Variants in SMYD3 observed in about 807,000 individuals in gnomAD.
SMYD3 encodes histone-lysine N-methyltransferase SMYD3.
SMYD3 carries 36 observed loss-of-function variants against 57.7 expected under a neutral mutation model. The ratio of observed to expected loss-of-function variants is 0.62; its 90% confidence interval spans 0.48 to 0.82. The LOEUF is 0.82. Ranked by LOEUF, SMYD3 falls within the 40% of genes least tolerant of loss-of-function variation. The pLI is 0.00. For synonymous variants in SMYD3, 211 were observed against 195.0 expected (o/e 1.08, Z -0.68); for missense variants, 515 against 538.8 (o/e 0.96, Z 0.44).
In SMYD3 at chr1:246,481,621, T is replaced by TATATATAC. The variant is rs1307881494; in HGVS notation, c.164+25432_164+25433insGTATATAT. 1.2e-3 allele frequency among the ~76,000 whole-genome samples: 117 copies of TATATATAC among 98,528 alleles called. 7 individuals are homozygous for TATATATAC. Among genetic ancestry groups the TATATATAC allele is most frequent in the East Asian group, 2.2e-3 (6 of 2,736 alleles). The allele number at this position is 98,528 out of a possible 152,430, so 64.6% of individuals were successfully genotyped here. ...ATATATATATATACACATACATATATACATACATACATACACATATTCATA... is the reference window on the plus strand; with the variant it reads ...ATATATATATATACACATACATATATATATATACACATACATACATACACATATTCATA... On this transcript the variant is annotated intron_variant, in intron 1 of 11. Coordinates refer to ENST00000490107, the MANE Select transcript of SMYD3 (RefSeq NM_001167740.2).
chr1:246,218,282 G>T (rs546552835), intron 5 of SMYD3, among the ~76,000 whole-genome samples: 2 of 151,912 alleles, frequency 1.3e-5, no homozygotes, highest in Admixed American at 1.3e-4. Context: ...ATTATTTCGT[G>T]GGGTGGAGAG....
chr1:245,952,812 G>A (rs537991004), intron 5 of SMYD3, among the ~76,000 whole-genome samples: 11 of 152,264 alleles, frequency 7.2e-5, no homozygotes, highest in African/African-American at 1.2e-4. Flanking sequence ...CTGTGAAAAC[G>A]CATACTAAAA....
chr1:246,013,431 T>G (rs1449679855), intron 5 of SMYD3, among the ~76,000 whole-genome samples: 1 of 152,158 alleles, frequency 6.6e-6, no homozygotes, highest in Non-Finnish European at 1.5e-5. Flanking sequence ...CCACCTGCCT[T>G]GGCCTCCCAA....
At chr1:245,785,162 A>G (rs1314124103) in intron 10 of SMYD3, among the ~76,000 whole-genome samples, 2 of 151,990 alleles carry the variant, frequency 1.3e-5, no homozygotes, top group Admixed American at 6.5e-5. Flanking sequence ...AATTACAGGC[A>G]TGAGCCATTA....
rs182150865 is a variant in SMYD3, at chr1:245,860,792, C to T, written c.902-2122G>A. Among the ~76,000 whole-genome samples, 1,011 of 152,342 alleles carry T rather than the reference C, an allele frequency of 6.6e-3. 8 individuals carry two copies. Among genetic ancestry groups the T allele is most frequent in the Non-Finnish European group, 0.012 (790 of 68,034 alleles). On this transcript the variant is annotated intron_variant, in intron 9 of 11. Coordinates refer to ENST00000490107, the MANE Select transcript of SMYD3 (RefSeq NM_001167740.2). ...TGTAACAGATTGCTGGGCTAACCTC[C>T]GTGGCTTTTCATTCCAGGATTAGAT...
intron 5 of SMYD3, among the ~76,000 whole-genome samples, chr1:246,030,887 TCCCAAAATAGAATCC>T (rs1044421503): frequency 5.3e-5 from 8 of 152,050 alleles, no homozygotes; most frequent in African/African-American, 1.9e-4. Flanking sequence ...GTTACGTAAA[TCCCAAAATAGAATCC>T]CCCAGTAACA....
At chr1:246,303,728 A>C (rs2064934277) in intron 5 of SMYD3, among the ~76,000 whole-genome samples, 1 of 152,198 alleles carries the variant, frequency 6.6e-6, no homozygotes, top group Admixed American at 6.5e-5. Flanking sequence ...GGAAGCCCTC[A>C]ATAAATATCA....
chr1:246,385,305 A>G (rs1241069484), intron 1 of SMYD3, among the ~76,000 whole-genome samples: 1 of 152,190 alleles, frequency 6.6e-6, no homozygotes, highest in Non-Finnish European at 1.5e-5. Flanking sequence ...AAATTGAAAT[A>G]CTTCGGATAT....
intron 1 of SMYD3, among the ~76,000 whole-genome samples, chr1:246,499,992 G>A (rs997801153): frequency 2.0e-5 from 3 of 152,104 alleles, no homozygotes; most frequent in Admixed American, 6.6e-5. Context: ...TATGTTAAGA[G>A]CAGGGGCTGG....
intron 1 of SMYD3, among the ~76,000 whole-genome samples, chr1:246,401,700 T>C (rs1190202808): frequency 6.8e-6 from 1 of 146,946 alleles, no homozygotes; most frequent in African/African-American, 2.5e-5. Flanking sequence ...CCAGTAGCAA[T>C]GTTCTTAAAT....
chr1:245,884,381 C>T (rs2052963645), intron 8 of SMYD3, among the ~76,000 whole-genome samples: 2 of 152,164 alleles, frequency 1.3e-5, no homozygotes, highest in Non-Finnish European at 2.9e-5. Context: ...TAAGCTCTCT[C>T]TTCTGCAGGG....
intron 5 of SMYD3, among the ~76,000 whole-genome samples, chr1:246,143,289 T>C (rs962954185): frequency 2.6e-5 from 4 of 152,190 alleles, no homozygotes; most frequent in African/African-American, 7.2e-5. Flanking sequence ...TCAAAACAGG[T>C]GCCTTTCTTT....
chr1:246,103,872 T>C (rs997755303), intron 5 of SMYD3, among the ~76,000 whole-genome samples: 2 of 152,196 alleles, frequency 1.3e-5, no homozygotes, highest in South Asian at 4.1e-4. Flanking sequence ...CTCTCCTCAT[T>C]TGTGCTCATG....
intron 5 of SMYD3, among the ~76,000 whole-genome samples, chr1:246,056,641 A>T (rs2060156444): frequency 6.6e-6 from 1 of 151,872 alleles, no homozygotes. Flanking sequence ...TATCAACAAG[A>T]TAAAAAGTGT....
intron 10 of SMYD3, among the ~76,000 whole-genome samples, chr1:245,814,808 GCA>G (rs144385599): frequency 6.6e-6 from 1 of 150,512 alleles, no homozygotes; most frequent in South Asian, 2.1e-4. Flanking sequence ...ATCCCACCAT[GCA>G]CACACACACA....
At chr1:246,107,546 A>G (rs1337927967) in intron 5 of SMYD3, among the ~76,000 whole-genome samples, 3 of 151,394 alleles carry the variant, frequency 2.0e-5, no homozygotes, top group African/African-American at 7.3e-5. Flanking sequence ...TAAGTCCTTG[A>G]AATAAATGCT....
chr1:245,866,955 C>G (rs2051889780), intron 8 of SMYD3, among the ~76,000 whole-genome samples: 1 of 152,158 alleles, frequency 6.6e-6, no homozygotes, highest in African/African-American at 2.4e-5. Flanking sequence ...AACCCTAGAT[C>G]TAAGCAAAAT....
intron 5 of SMYD3, among the ~76,000 whole-genome samples, chr1:246,216,114 C>A (rs1324428034): frequency 6.6e-6 from 1 of 151,874 alleles, no homozygotes; most frequent in East Asian, 1.9e-4. Flanking sequence ...ATGGTGAAAC[C>A]CCGTCTCTAC....
At chr1:245,786,709 C>CT (rs765300222) in intron 10 of SMYD3, among the ~76,000 whole-genome samples, 5 of 150,460 alleles carry the variant, frequency 3.3e-5, no homozygotes, top group Non-Finnish European at 5.9e-5. Context: ...TAATTCATCC[C>CT]TTAAAAAAAA....
Sources: gnomAD v4.1 joint callset for allele counts (sites outside exome capture counted in the v4.1 genomes callset) on GRCh38, gnomAD v4.1.1 for gene constraint, MANE v1.5 for transcripts, NCBI Gene and HGNC (gene_info 2026-07-23, HGNC 2026-07-21) for gene names.